The following FKBP5 variants were observed in gnomAD, a reference collection of about 807,000 sequenced individuals.
FKBP5 encodes the protein peptidyl-prolyl cis-trans isomerase FKBP5.
A neutral mutation model predicts 50.5 loss-of-function variants in FKBP5; 23 were observed. That is an observed-to-expected ratio of 0.46 (90% CI 0.33 to 0.65). The LOEUF is 0.65. Among genes scored for constraint, FKBP5 ranks in the 30% least tolerant of loss-of-function variants. The pLI is 0.02. For synonymous variants in FKBP5, 176 were observed against 190.6 expected, an observed-to-expected ratio of 0.92 and a Z score of 0.63; for missense variants, 411 against 553.1, an observed-to-expected ratio of 0.74 and a Z score of 2.58.
Position 35,616,595 on chromosome 6 carries a change from TA to T in FKBP5, c.508+2500del, listed in dbSNP as rs1051815451. On this transcript the variant is annotated intron_variant, in intron 5 of 10. Transcript: ENST00000357266. ...CTAAAATTATTTCAAAACAAAAAGT[TA>T]AAAAAAAATTGACTCCCATCGCAAG... 9.6e-4 allele frequency among the ~76,000 whole-genome samples: 146 copies of T among 151,304 alleles called. 1 individual carries two copies. The highest frequency in any genetic ancestry group is 3.4e-3 in the African/African-American group (141 of 41,266).
chr6:35,579,914 A>G (rs376961833), intron 9 of FKBP5, 122 bp downstream of exon 9: 3 of 703,862 alleles, frequency 4.3e-6, no homozygotes, highest in East Asian at 5.4e-5. Flanking sequence ...CCAAACATTC[A>G]AATAAATAAA....
chr6:35,724,483 T>C (rs1766665843), intron 1 of FKBP5, among the ~76,000 whole-genome samples: 1 of 152,200 alleles, frequency 6.6e-6, no homozygotes. Flanking sequence ...GGCAGAGTTC[T>C]CCTTCATTTG....
In FKBP5 at chr6:35,619,210, T is replaced by C. The variant is rs1267597772; in HGVS notation, c.394A>G (p.Ile132Val). 13 of 1,606,480 alleles carry C rather than the reference T, an allele frequency of 8.1e-6. No individual in the cohort carries two copies. The highest frequency in any genetic ancestry group is 8.5e-7 in the Non-Finnish European group (1 of 1,174,030). ...IPSNATLFFE[I>V]ELLDFKGEDL... The stretch of plus-strand genomic sequence containing the variant: ...TCTCCTTTGAAATCAAGGAGCTCAA[T>C]CTAGAAAGAAAAAAGGAATTCAGCT... Residue 132 changes from isoleucine (I) to valine (V), a missense_variant and splice_region_variant, in exon 5 of 11, where the codon ATT becomes GTT. Transcript: ENST00000357266.
chr6:35,605,301 T>A (rs1465020518), intron 5 of FKBP5, among the ~76,000 whole-genome samples: 1 of 143,804 alleles, frequency 7.0e-6, no homozygotes, highest in African/African-American at 2.5e-5. Flanking sequence ...AAATCCAACA[T>A]CCCTTCATTA....
At chr6:35,657,928 A>C (rs6929523) in intron 1 of FKBP5, among the ~76,000 whole-genome samples, 1 of 151,950 alleles carries the variant, frequency 6.6e-6, no homozygotes, top group Admixed American at 6.6e-5. Flanking sequence ...CTGGTTTCTC[A>C]ATTTTGTAAT....
intron 2 of FKBP5, among the ~76,000 whole-genome samples, chr6:35,708,491 A>T (rs1766360486): frequency 6.6e-6 from 1 of 152,072 alleles, no homozygotes; most frequent in African/African-American, 2.4e-5. Flanking sequence ...ACCTCAGGTG[A>T]TCTACCCACC....
intron 1 of FKBP5, among the ~76,000 whole-genome samples, chr6:35,646,065 G>A (rs1460374080): frequency 6.6e-6 from 1 of 152,156 alleles, no homozygotes. Context: ...GCAGTGAGCC[G>A]AGGTCATGCC....
intron 2 of FKBP5, among the ~76,000 whole-genome samples, chr6:35,698,829 A>G (rs1766129282): frequency 6.6e-6 from 1 of 152,108 alleles, no homozygotes; most frequent in Non-Finnish European, 1.5e-5. Context: ...ACACGTTTTT[A>G]AACAACCAGA....
chr6:35,581,210 T>C (rs1762416654), intron 8 of FKBP5: 7 of 974,722 alleles, frequency 7.2e-6, no homozygotes, highest in Non-Finnish European at 8.5e-6. Context: ...ATAACAACTA[T>C]AAAACAATAT....
chr6:35,608,035 T>C (rs1346817552), intron 5 of FKBP5: 2 of 149,860 alleles, frequency 1.3e-5, no homozygotes, highest in African/African-American at 4.9e-5. Flanking sequence ...TGAAATACTA[T>C]GCAGCCATAA....
At chr6:35,639,406 T>C (rs1764413415) in intron 2 of FKBP5, among the ~76,000 whole-genome samples, 1 of 152,142 alleles carries the variant, frequency 6.6e-6, no homozygotes, top group Non-Finnish European at 1.5e-5. Context: ...GGGCTTCAAA[T>C]CTCAAATGTT....
Position 35,718,991 on chromosome 6 carries a change from T to C in FKBP5, c.-20+1337A>G, listed in dbSNP as rs573899995. Among the ~76,000 whole-genome samples the C allele has an allele frequency of 5.1e-4, 77 of 152,284 alleles. No individual in the cohort carries two copies. The South Asian group carries it at 0.016, about 31-fold the overall frequency. On this transcript the variant is annotated intron_variant, in intron 2 of 11. Transcript: ENST00000536438. ...GGCCTGGAGGAGGGGCAGGGACCTC[T>C]AGCAGAACAGGAGGCAGCTGGGCCT... is the stretch of plus-strand genomic sequence containing the variant.
At chr6:35,637,754 G>A (rs570601956) in intron 2 of FKBP5, among the ~76,000 whole-genome samples, 76 of 152,238 alleles carry the variant, frequency 5.0e-4, no homozygotes, top group Admixed American at 2.2e-3. Flanking sequence ...GAGCCACCGC[G>A]CCCGACACTA....
chr6:35,705,751 C>T (rs1273721773), intron 2 of FKBP5, among the ~76,000 whole-genome samples: 8 of 151,978 alleles, frequency 5.3e-5, no homozygotes, highest in Non-Finnish European at 1.2e-4. Context: ...TCATTTCTTA[C>T]AACAAAAATA....
intron 2 of FKBP5, among the ~76,000 whole-genome samples, chr6:35,699,683 A>C (rs1340089228): frequency 6.6e-6 from 1 of 152,216 alleles, no homozygotes; most frequent in Non-Finnish European, 1.5e-5. Flanking sequence ...TGAACTTAAG[A>C]GACAAGTTAT....
intron 2 of FKBP5, among the ~76,000 whole-genome samples, chr6:35,717,844 C>T (rs1766540037): frequency 6.6e-6 from 1 of 152,226 alleles, no homozygotes; most frequent in Non-Finnish European, 1.5e-5. Flanking sequence ...AGGTTTGATG[C>T]TCCAGCCTGG....
intron 2 of FKBP5, among the ~76,000 whole-genome samples, chr6:35,638,818 T>C (rs1371447077): frequency 6.6e-6 from 1 of 152,210 alleles, no homozygotes; most frequent in Admixed American, 6.5e-5. Flanking sequence ...TACACAATAT[T>C]CTACAAGTGC....
At position 35,671,451 on chromosome 6, in the gene FKBP5, G is replaced by A. The variant is rs145679549; in HGVS notation, c.-20+17353C>T. On this transcript the variant is annotated intron_variant, in intron 1 of 10. Transcript: ENST00000357266. ...TAAAAGAAAAGACAGCCTATAAAGC[G>A]CCTAACATTATATTAAAAGGTCCCC... is the stretch of plus-strand genomic sequence containing the variant. Among the ~76,000 whole-genome samples the A allele has an allele frequency of 5.9e-3, 891 of 151,914 alleles. 11 individuals carry two copies. The highest frequency in any genetic ancestry group is 0.02 in the African/African-American group (816 of 41,462).
intron 1 of FKBP5, among the ~76,000 whole-genome samples, chr6:35,687,317 G>C (rs1765855652): frequency 6.6e-6 from 1 of 152,148 alleles, no homozygotes; most frequent in East Asian, 1.9e-4. Flanking sequence ...CATAATTGCA[G>C]ACTGTCAGGC....
Sources: gnomAD v4.1 joint callset for allele counts (sites outside exome capture counted in the v4.1 genomes callset) on GRCh38, gnomAD v4.1.1 for gene constraint, MANE v1.5 for transcripts, NCBI Gene and HGNC (gene_info 2026-07-23, HGNC 2026-07-21) for gene names.